ZPLD1: variants seen among roughly 807,000 people sequenced by gnomAD.
ZPLD1 encodes zona pellucida-like domain-containing protein 1.
A neutral mutation model predicts 47.2 loss-of-function variants in ZPLD1; 34 were observed. That is an observed-to-expected ratio of 0.72 (90% confidence interval 0.55 to 0.96). The LOEUF (loss-of-function observed/expected upper bound fraction) is 0.96. Among genes scored for constraint, ZPLD1 ranks in the 40% least tolerant of loss-of-function variants. ZPLD1 has a pLI of 0.00. For missense variants in ZPLD1, 512 were observed against 505.8 expected (o/e 1.01, Z -0.12); for synonymous variants, 176 against 186.2 (o/e 0.95, Z 0.45).
chr3:102,455,072 G>T (rs1009839963), intron 4 of ZPLD1, among the ~76,000 whole-genome samples: 1 of 152,122 alleles, frequency 6.6e-6, no homozygotes. Context: ...CTCTGGATTG[G>T]AATAATGATG....
At chr3:102,447,708 T>A (rs1309813966) in intron 3 of ZPLD1, among the ~76,000 whole-genome samples, 1 of 152,326 alleles carries the variant, frequency 6.6e-6, no homozygotes, top group Admixed American at 6.5e-5. Flanking sequence ...CTCAGTTGAA[T>A]GCTGTTAGAT....
At chr3:102,386,347 T>G (rs1397782802) in intron 6 of ZPLD1, among the ~76,000 whole-genome samples, 3 of 151,892 alleles carry the variant, frequency 2.0e-5, no homozygotes, top group Non-Finnish European at 4.4e-5. Flanking sequence ...TTTGAGAACT[T>G]TTCCTCCAGG....
intron 8 of ZPLD1, among the ~76,000 whole-genome samples, chr3:102,419,617 A>C (rs1706852274): frequency 6.6e-6 from 1 of 151,018 alleles, no homozygotes; most frequent in East Asian, 1.9e-4. Context: ...ATAATAATGC[A>C]GAGGTAATAA....
At chr3:102,409,442 T>C (rs1337906840) in intron 7 of ZPLD1, among the ~76,000 whole-genome samples, 3 of 151,804 alleles carry the variant, frequency 2.0e-5, no homozygotes, top group African/African-American at 7.2e-5. Flanking sequence ...GAGGAGACAT[T>C]CAAACCATAG....
At chr3:102,415,159 G>C (rs1706791119) in intron 7 of ZPLD1, among the ~76,000 whole-genome samples, 1 of 151,788 alleles carries the variant, frequency 6.6e-6, no homozygotes, top group Non-Finnish European at 1.5e-5. Flanking sequence ...TTAGGACATA[G>C]AGCCAATTTA....
At chr3:102,420,559 A>C (rs1706864363) in intron 8 of ZPLD1, among the ~76,000 whole-genome samples, 1 of 151,938 alleles carries the variant, frequency 6.6e-6, no homozygotes, top group Non-Finnish European at 1.5e-5. Context: ...CTATACTTTG[A>C]ATTTCCTATA....
chr3:102,393,068 T>C (rs1212509513), intron 7 of ZPLD1, among the ~76,000 whole-genome samples: 4 of 152,176 alleles, frequency 2.6e-5, no homozygotes, highest in Non-Finnish European at 5.9e-5. Context: ...CTAAACAATA[T>C]GAATTTGTCA....
intron 7 of ZPLD1, 42 bp from the exon 8 acceptor site, chr3:102,464,129 G>A (rs1479309832): frequency 7.0e-7 from 1 of 1,425,170 alleles, no homozygotes; most frequent in Admixed American, 1.7e-5. Flanking sequence ...ATATCCAAAA[G>A]GAAATTCTGA....
intron 1 of ZPLD1, among the ~76,000 whole-genome samples, chr3:102,435,767 C>T (rs926938721): frequency 6.6e-6 from 1 of 151,876 alleles, no homozygotes; most frequent in African/African-American, 2.4e-5. Context: ...CTCAGCCTCC[C>T]GAGTAGCTGG....
chr3:102,420,396 A>C (rs1292444826), intron 8 of ZPLD1, among the ~76,000 whole-genome samples: 1 of 151,916 alleles, frequency 6.6e-6, no homozygotes, highest in Admixed American at 6.6e-5. Context: ...TAGCAGGGTG[A>C]GCAAACTTTT....
At chr3:102,397,538 A>G (rs992271341) in intron 7 of ZPLD1, among the ~76,000 whole-genome samples, 1 of 152,130 alleles carries the variant, frequency 6.6e-6, no homozygotes, top group African/African-American at 2.4e-5. Context: ...AGTGAGTAGG[A>G]GAACTCTGAT....
intron 8 of ZPLD1, among the ~76,000 whole-genome samples, 180 bp from the exon 9 acceptor site, chr3:102,468,784 A>G (rs2107353118): frequency 6.6e-6 from 1 of 152,360 alleles, no homozygotes; most frequent in East Asian, 1.9e-4. Flanking sequence ...TTTGTGATCC[A>G]GGTTTTATTG....
chr3:102,452,598 C>T (rs1452196815), intron 3 of ZPLD1, among the ~76,000 whole-genome samples: 2 of 152,130 alleles, frequency 1.3e-5, no homozygotes, highest in African/African-American at 2.4e-5. Flanking sequence ...TCCTCAGTAA[C>T]CTGATTGGTT....
intron 3 of ZPLD1, among the ~76,000 whole-genome samples, chr3:102,452,364 C>T (rs1449418939): frequency 1.3e-5 from 2 of 150,106 alleles, no homozygotes; most frequent in African/African-American, 4.9e-5. Context: ...TTCCCTTTCT[C>T]TCTAGTGTTA....
chr3:102,392,828 C>T (rs1706512492), intron 7 of ZPLD1, among the ~76,000 whole-genome samples: 2 of 152,108 alleles, frequency 1.3e-5, no homozygotes, highest in South Asian at 4.1e-4. Context: ...AAAACAGTTG[C>T]ACTTTTTATT....
chr3:102,476,696 A>T (rs1707762694), intron 10 of ZPLD1, among the ~76,000 whole-genome samples: 1 of 152,134 alleles, frequency 6.6e-6, no homozygotes, highest in Non-Finnish European at 1.5e-5. Context: ...AGAGCTAATG[A>T]TGAAACAAAG....
At chr3:102,397,867 C>A (rs1053392960) in intron 7 of ZPLD1, among the ~76,000 whole-genome samples, 6 of 152,162 alleles carry the variant, frequency 3.9e-5, no homozygotes, top group African/African-American at 1.4e-4. Context: ...TCAGGGCTTT[C>A]AAATTCCCAC....
chr3:102,460,033 G>C (rs1000958850), intron 6 of ZPLD1, among the ~76,000 whole-genome samples: 2 of 151,784 alleles, frequency 1.3e-5, no homozygotes, highest in South Asian at 2.1e-4. Flanking sequence ...CATTTTACAG[G>C]ATTTTTAAAA....
intron 8 of ZPLD1, among the ~76,000 whole-genome samples, chr3:102,426,573 A>C (rs1421387480): frequency 1.3e-5 from 2 of 152,072 alleles, no homozygotes; most frequent in Admixed American, 1.3e-4. Flanking sequence ...TTTAATTATT[A>C]ATTTCCAATG....
Sources: gnomAD v4.1 joint callset for allele counts (sites outside exome capture counted in the v4.1 genomes callset) on GRCh38, gnomAD v4.1.1 for gene constraint, MANE v1.5 for transcripts, NCBI Gene and HGNC (gene_info 2026-07-23, HGNC 2026-07-21) for gene names.